Variants in DLGAP1 observed in about 807,000 individuals in gnomAD.
DLGAP1 encodes the protein disks large-associated protein 1.
DLGAP1 carries 11 observed loss-of-function variants against 90.8 expected under a neutral mutation model. That is an observed-to-expected ratio of 0.12 (90% CI 0.08 to 0.20). The LOEUF is 0.20. DLGAP1 is among the 10% of genes least tolerant of loss of function. DLGAP1 has a pLI of 1.00. For missense variants in DLGAP1, 1,050 were observed against 1,333.8 expected, an observed-to-expected ratio of 0.79 and a Z score of 3.31; for synonymous variants, 558 against 540.7, an observed-to-expected ratio of 1.03 and a Z score of -0.44.
chr18:4,386,261 A>G (rs761296921), intron 1 of DLGAP1, among the ~76,000 whole-genome samples: 55 of 152,192 alleles, frequency 3.6e-4, no homozygotes, highest in Non-Finnish European at 5.3e-4. Context: ...TACCTAGACT[A>G]TCTGAAGGCT....
At chr18:4,356,870 C>T (rs899311964) in intron 1 of DLGAP1, among the ~76,000 whole-genome samples, 1 of 152,118 alleles carries the variant, frequency 6.6e-6, no homozygotes, top group Non-Finnish European at 1.5e-5. Flanking sequence ...TCCACTGGCC[C>T]CCTTGGTCTT....
chr18:4,418,741 A>G (rs10853313), intron 1 of DLGAP1, among the ~76,000 whole-genome samples: 14,449 of 152,150 alleles, frequency 0.095, 2,194 homozygotes, highest in African/African-American at 0.32. Flanking sequence ...TCTAACTGAC[A>G]TGTAAATAGA....
intron 7 of DLGAP1, among the ~76,000 whole-genome samples, chr18:3,659,251 A>G (rs970309503): frequency 6.6e-6 from 1 of 152,144 alleles, no homozygotes; most frequent in Non-Finnish European, 1.5e-5. Flanking sequence ...AAAAATTTTG[A>G]ATATTTAAGA....
intron 1 of DLGAP1, among the ~76,000 whole-genome samples, chr18:4,196,044 A>C (rs906960128): frequency 6.6e-6 from 1 of 152,208 alleles, no homozygotes; most frequent in African/African-American, 2.4e-5. Context: ...GAGATCAAAG[A>C]AAATCCACAT....
intron 4 of DLGAP1, among the ~76,000 whole-genome samples, chr18:3,858,953 T>G (rs1227619018): frequency 6.6e-6 from 1 of 152,326 alleles, no homozygotes; most frequent in African/African-American, 2.4e-5. Context: ...CTTTCATGCT[T>G]CAGAGCTTTT....
At chr18:3,821,439 C>G (rs1485933440) in intron 4 of DLGAP1, among the ~76,000 whole-genome samples, 1 of 36,202 alleles carries the variant, frequency 2.8e-5, no homozygotes, top group Non-Finnish European at 7.6e-5. Flanking sequence ...AACCAATAAA[C>G]TAAAAAAAAG....
intron 1 of DLGAP1, among the ~76,000 whole-genome samples, chr18:4,189,455 A>G (rs1295595431): frequency 6.6e-6 from 1 of 152,158 alleles, no homozygotes; most frequent in Non-Finnish European, 1.5e-5. Flanking sequence ...TGAAACTACA[A>G]AGCTCTGATG....
At chr18:3,961,457 C>T (rs2073196838) in intron 3 of DLGAP1, among the ~76,000 whole-genome samples, 2 of 152,316 alleles carry the variant, frequency 1.3e-5, no homozygotes, top group South Asian at 4.1e-4. Flanking sequence ...CAGTCCCTGA[C>T]ATTTTCAGGA....
chr18:3,627,609 C>A (rs1395264749), intron 7 of DLGAP1, among the ~76,000 whole-genome samples: 2 of 152,048 alleles, frequency 1.3e-5, no homozygotes, highest in Non-Finnish European at 2.9e-5. Flanking sequence ...AAAAAACATA[C>A]AGTAGTTTGT....
intron 1 of DLGAP1, among the ~76,000 whole-genome samples, chr18:4,431,928 C>A (rs2083292382): frequency 6.6e-6 from 1 of 152,190 alleles, no homozygotes; most frequent in African/African-American, 2.4e-5. Context: ...AGGCACACTG[C>A]AATGTTTTAG....
intron 3 of DLGAP1, among the ~76,000 whole-genome samples, chr18:3,959,380 A>G (rs1166480960): frequency 6.6e-6 from 1 of 152,068 alleles, no homozygotes. Context: ...CAGAAACACA[A>G]TTGGGGCCGG....
chr18:3,553,770 T>G (rs1221753127), intron 9 of DLGAP1, among the ~76,000 whole-genome samples: 2 of 152,248 alleles, frequency 1.3e-5, no homozygotes, highest in East Asian at 3.9e-4. Context: ...TGACCTCAGG[T>G]GATCCACCCA....
intron 3 of DLGAP1, among the ~76,000 whole-genome samples, chr18:3,919,294 A>G (rs2072215347): frequency 6.6e-6 from 1 of 152,236 alleles, no homozygotes; most frequent in Non-Finnish European, 1.5e-5. Flanking sequence ...ACTTGATACC[A>G]TCTACTGACA....
chr18:3,536,559 A>G (rs1337926643), intron 9 of DLGAP1, among the ~76,000 whole-genome samples: 2 of 152,170 alleles, frequency 1.3e-5, no homozygotes, highest in African/African-American at 4.8e-5. Context: ...TCTTAAAATT[A>G]AAACTCATTT....
intron 1 of DLGAP1, among the ~76,000 whole-genome samples, chr18:4,341,543 A>C (rs1199895945): frequency 2.0e-5 from 3 of 152,178 alleles, no homozygotes; most frequent in Non-Finnish European, 4.4e-5. Flanking sequence ...AAGTGATAGA[A>C]TATTTCTTCC....
At chr18:3,870,316 AG>A (rs903885018) in intron 4 of DLGAP1, among the ~76,000 whole-genome samples, 2 of 152,228 alleles carry the variant, frequency 1.3e-5, no homozygotes, top group Non-Finnish European at 2.9e-5. Context: ...GATTCTCTAC[AG>A]GCATACATGT....
At chr18:3,931,745 C>T (rs989984465) in intron 3 of DLGAP1, among the ~76,000 whole-genome samples, 1 of 152,120 alleles carries the variant, frequency 6.6e-6, no homozygotes, top group Non-Finnish European at 1.5e-5. Context: ...CACCTTTGCA[C>T]AGAGAATTTT....
At chr18:3,842,829 C>T (rs959196892) in intron 4 of DLGAP1, among the ~76,000 whole-genome samples, 3 of 152,058 alleles carry the variant, frequency 2.0e-5, no homozygotes, top group East Asian at 1.9e-4. Flanking sequence ...TTTGTAACCT[C>T]GATATCTTTG....
At position 4,381,212 on chromosome 18, in the gene DLGAP1, C is replaced by T. The variant is rs926513858; in HGVS notation, c.-267+73794G>A. ...AGAAGTTTGACTTTGTATGGCCATT[C>T]TTCTATCTATTGGAGTGGGCCTACA... On this transcript the variant is annotated intron_variant, in intron 1 of 12. Transcript: ENST00000315677. 3.3e-5 allele frequency among the ~76,000 whole-genome samples: 5 copies of T among 152,248 alleles called. No homozygotes were observed. In the East Asian group the frequency reaches 9.7e-4, roughly 29 times the overall value.
Sources: allele counts gnomAD v4.1 joint callset (sites outside exome capture counted in the v4.1 genomes callset), GRCh38; gene constraint gnomAD v4.1.1; transcripts MANE v1.5; gene names NCBI Gene and HGNC (gene_info 2026-07-23, HGNC 2026-07-21).